KAT6A: variants seen among roughly 807,000 people sequenced by gnomAD.
KAT6A encodes the protein histone acetyltransferase KAT6A.
KAT6A carries 9 observed loss-of-function variants against 198.4 expected under a neutral mutation model. The ratio of observed to expected loss-of-function variants is 0.05; its 90% CI spans 0.03 to 0.08. The LOEUF is 0.08. KAT6A is among the 10% of genes least tolerant of loss of function. The pLI is 1.00. For missense variants in KAT6A, 2,077 were observed against 2,509.9 expected (o/e 0.83, Z 3.69); for synonymous variants, 890 against 883.0 (o/e 1.01, Z -0.14).
intron 13 of KAT6A, 36 bp from the exon 14 acceptor site, chr8:41,943,036 G>A: frequency 2.5e-6 from 4 of 1,610,984 alleles, no homozygotes; most frequent in Non-Finnish European, 3.4e-6. Flanking sequence ...AATCAACAAT[G>A]TACAAGGTGT....
At chr8:42,027,595 T>C (rs1207696302) in intron 2 of KAT6A, among the ~76,000 whole-genome samples, 1 of 152,196 alleles carries the variant, frequency 6.6e-6, no homozygotes, top group Non-Finnish European at 1.5e-5. Context: ...TTGTTCATAA[T>C]AGTTGCTGAC....
At chr8:41,956,447 A>C (rs1317218847) in intron 8 of KAT6A, among the ~76,000 whole-genome samples, 3 of 152,226 alleles carry the variant, frequency 2.0e-5, no homozygotes, top group Non-Finnish European at 4.4e-5. Context: ...CCACTAAGAG[A>C]CTAGTAAAAA....
At chr8:41,946,997 TAAAGCTA>T (rs1822428897) in intron 11 of KAT6A, among the ~76,000 whole-genome samples, 3 of 152,332 alleles carry the variant, frequency 2.0e-5, no homozygotes, top group Admixed American at 1.3e-4. Context: ...AAACAATCCG[TAAAGCTA>T]CAAATGATGA....
chr8:41,937,860 T>C, intron 15 of KAT6A, among the ~76,000 whole-genome samples: 1 of 152,250 alleles, frequency 6.6e-6, no homozygotes, highest in Non-Finnish European at 1.5e-5. Flanking sequence ...CCCTAGAGAG[T>C]TGCCCTGTTT....
intron 2 of KAT6A, among the ~76,000 whole-genome samples, chr8:41,991,965 G>GTAATCAA (rs1319762745): frequency 1.3e-5 from 2 of 152,124 alleles, no homozygotes; most frequent in Non-Finnish European, 2.9e-5. Context: ...CAAGTAGAAA[G>GTAATCAA]TAATCAATAA....
Position 41,934,860 on chromosome 8 carries a change from A to G in KAT6A, c.3360T>C (p.Pro1120=). 3 of 1,606,398 alleles carry G rather than the reference A, an allele frequency of 1.9e-6. No individual in the cohort carries two copies. Among genetic ancestry groups the G allele is most frequent in the Non-Finnish European group, 2.5e-6 (3 of 1,177,168 alleles). ...GCAAAAGAGATACTGGCTTTAAGAT[A>G]GGAGTGTCTATACAGGAAGGAAAAA... ...DEESDDADDT[P]ILKPVSLLRK... Residue 1120 remains proline (P), a synonymous_variant, in exon 17 of 17, where the codon CCT becomes CCC. Coordinates refer to ENST00000265713, the MANE Select transcript of KAT6A (RefSeq NM_006766.5).
intron 2 of KAT6A, among the ~76,000 whole-genome samples, chr8:42,022,152 A>G (rs1305809156): frequency 6.6e-6 from 1 of 152,172 alleles, no homozygotes; most frequent in Admixed American, 6.5e-5. Flanking sequence ...CTAGCATATA[A>G]TATGTATTCA....
Position 41,946,491 on chromosome 8 carries a change from TATACACACACACACACACACACAC to T in KAT6A, c.1996+76_1996+99del, listed in dbSNP as rs1232360745. Reference sequence around the variant, plus strand: ...ACCTACAAATCTTTAAATATATATATATACACACACACACACACACACACACACACACACACACACACACACACA... The same window carrying T: ...ACCTACAAATCTTTAAATATATATATACACACACACACACACACACACACA... On this transcript the variant is annotated intron_variant, in intron 12 of 16. Coordinates refer to ENST00000265713, the MANE Select transcript of KAT6A (RefSeq NM_006766.5). 38 of 464,116 alleles carry T rather than the reference TATACACACACACACACACACACAC, an allele frequency of 8.2e-5. 1 individual carries two copies. Among genetic ancestry groups the T allele is most frequent in the African/African-American group, 6.3e-4 (24 of 37,840 alleles). 28.7% of individuals were successfully genotyped at this position (464,116 alleles called of 1,614,324 possible). A position where few individuals can be genotyped will look rare whatever the true frequency, so the allele number is the denominator to read the frequency against.
At chr8:42,034,028 G>A (rs1303089777) in intron 2 of KAT6A, among the ~76,000 whole-genome samples, 1 of 152,116 alleles carries the variant, frequency 6.6e-6, no homozygotes, top group Non-Finnish European at 1.5e-5. Context: ...CTGGGAGCAG[G>A]GTGGGTGATA....
At chr8:42,007,286 C>T (rs1254381625) in intron 2 of KAT6A, among the ~76,000 whole-genome samples, 1 of 152,170 alleles carries the variant, frequency 6.6e-6, no homozygotes, top group Non-Finnish European at 1.5e-5. Context: ...TGATGAAAGG[C>T]TAGTTCTTTA....
At chr8:42,032,545 AGAC>A (rs2150922726) in intron 2 of KAT6A, among the ~76,000 whole-genome samples, 1 of 152,350 alleles carries the variant, frequency 6.6e-6, no homozygotes, top group South Asian at 2.1e-4. Flanking sequence ...TAAATTATGA[AGAC>A]AACCCATTTG....
intron 7 of KAT6A, among the ~76,000 whole-genome samples, chr8:41,975,131 T>C (rs966966438): frequency 1.3e-5 from 2 of 152,146 alleles, no homozygotes; most frequent in African/African-American, 4.8e-5. Context: ...ATAAATTTCA[T>C]TTTGAAATAG....
At chr8:42,031,646 T>G (rs961901969) in intron 2 of KAT6A, among the ~76,000 whole-genome samples, 137 of 111,148 alleles carry the variant, frequency 1.2e-3, no homozygotes, top group African/African-American at 4.5e-3. Flanking sequence ...TTTTTTTTTT[T>G]GGAGACGGAG....
intron 2 of KAT6A, among the ~76,000 whole-genome samples, chr8:42,028,899 T>C (rs183043324): frequency 5.9e-5 from 9 of 151,664 alleles, no homozygotes; most frequent in Non-Finnish European, 1.2e-4. Context: ...GTGAGTTTTA[T>C]GTATTTGCAT....
At chr8:41,974,236 C>A (rs1228054188) in intron 8 of KAT6A, 1 of 152,196 alleles carries the variant, frequency 6.6e-6, no homozygotes, top group Admixed American at 6.6e-5. Context: ...CACCAACATA[C>A]CTGGCTAATT....
chr8:42,042,351 G>A (rs975010767), intron 2 of KAT6A, among the ~76,000 whole-genome samples: 4 of 151,900 alleles, frequency 2.6e-5, no homozygotes, highest in East Asian at 1.9e-4. Flanking sequence ...CAGCTTACTC[G>A]GGAGGCTGAG....
At chr8:41,963,939 A>C (rs1823332142) in intron 8 of KAT6A, among the ~76,000 whole-genome samples, 1 of 152,074 alleles carries the variant, frequency 6.6e-6, no homozygotes, top group African/African-American at 2.4e-5. Flanking sequence ...ATGCCTTCTC[A>C]CTCTTCTCCA....
chr8:42,025,365 C>T (rs200002139), intron 2 of KAT6A, among the ~76,000 whole-genome samples: 4,968 of 151,838 alleles, frequency 0.033, 186 homozygotes, highest in South Asian at 0.084. Context: ...GTGCCCACCA[C>T]CATGCCTGGC....
At chr8:42,024,586 C>CA (rs1826704884) in intron 2 of KAT6A, among the ~76,000 whole-genome samples, 1 of 152,058 alleles carries the variant, frequency 6.6e-6, no homozygotes, top group South Asian at 2.1e-4. Context: ...TCATCCACCC[C>CA]ACCCCTCGCC....
Sources: allele counts gnomAD v4.1 joint callset (sites outside exome capture counted in the v4.1 genomes callset), GRCh38; gene constraint gnomAD v4.1.1; transcripts MANE v1.5; gene names NCBI Gene and HGNC (gene_info 2026-07-23, HGNC 2026-07-21).